Variants in EYA1 observed in about 807,000 individuals in gnomAD.
The protein encoded by EYA1 is protein phosphatase EYA1.
EYA1 carries 16 observed loss-of-function variants against 82.0 expected under a neutral mutation model. That is an observed-to-expected ratio of 0.20 (90% CI 0.13 to 0.30). The LOEUF is 0.30. EYA1 is among the 10% of genes least tolerant of loss of function. The pLI, the probability that EYA1 is intolerant of heterozygous loss-of-function variation, is 1.00. For missense variants in EYA1, 633 were observed against 730.7 expected (o/e 0.87, Z 1.54); for synonymous variants, 261 against 264.4 (o/e 0.99, Z 0.12).
intron 2 of EYA1, chr8:71,531,041 ACAT>A (rs1436236908): frequency 2.6e-5 from 4 of 152,232 alleles, no homozygotes; most frequent in Non-Finnish European, 5.9e-5. Flanking sequence ...TGAGCTGACA[ACAT>A]CATGATCAAA....
chr8:71,543,759 T>C (rs1815337216), intron 1 of EYA1, among the ~76,000 whole-genome samples: 1 of 152,134 alleles, frequency 6.6e-6, no homozygotes, highest in South Asian at 2.1e-4. Context: ...CTTTAAGAGA[T>C]GAGGATTAGG....
intron 11 of EYA1, among the ~76,000 whole-genome samples, chr8:71,260,550 T>G (rs1814972546): frequency 2.0e-5 from 3 of 152,200 alleles, no homozygotes; most frequent in African/African-American, 7.2e-5. Context: ...ATATTATCTT[T>G]AAAAAAGTGC....
chr8:71,250,513 T>C (rs1813627051), intron 11 of EYA1, among the ~76,000 whole-genome samples: 1 of 152,250 alleles, frequency 6.6e-6, no homozygotes. Context: ...GTTTAATCCC[T>C]GTATCTTCCT....
At chr8:71,227,327 T>C (rs1037229003) in intron 12 of EYA1, among the ~76,000 whole-genome samples, 3 of 152,212 alleles carry the variant, frequency 2.0e-5, no homozygotes, top group Non-Finnish European at 2.9e-5. Flanking sequence ...TAACTCCTGT[T>C]TCCTTTCTTT....
chr8:71,296,735 T>G (rs1819640827), intron 9 of EYA1, among the ~76,000 whole-genome samples: 1 of 152,100 alleles, frequency 6.6e-6, no homozygotes, highest in Admixed American at 6.5e-5. Flanking sequence ...AATAAGTCAT[T>G]TCTAAATATT....
Position 71,216,835 on chromosome 8 carries a change from G to C in EYA1, c.1217C>G (p.Thr406Arg), listed in dbSNP as rs376251253. The change falls in exon 14 of 18, where the codon ACA becomes AGA. Residue 406 changes from threonine (T) to arginine (R), a missense_variant. Physicochemically the swap from Thr to Arg is moderately conservative, Grantham distance 71 (BLOSUM62 -1). Coordinates refer to ENST00000340726, the MANE Select transcript of EYA1 (RefSeq NM_000503.6). ...GQDLSTYNFG[T>R]DGFPAAATSA... is the part of the protein sequence containing the mutation. ...GGTTGCTGCAGCAGGAAAGCCATCT[G>C]TTCCAAAGTTATATGTGCTATTTAT... 6.2e-7 allele frequency: 1 copy of C among 1,614,120 alleles called. No homozygotes were observed. Among genetic ancestry groups the C allele is most frequent in the African/African-American group, 1.3e-5 (1 of 75,026 alleles).
At chr8:71,538,954 T>C (rs12680766) in intron 1 of EYA1, among the ~76,000 whole-genome samples, 3 of 151,890 alleles carry the variant, frequency 2.0e-5, no homozygotes, top group African/African-American at 7.2e-5. Flanking sequence ...GCATCTACCC[T>C]AAATGGCCAA....
chr8:71,361,262 C>G (rs1827348627), intron 1 of EYA1, among the ~76,000 whole-genome samples: 1 of 152,036 alleles, frequency 6.6e-6, no homozygotes, highest in Non-Finnish European at 1.5e-5. Context: ...ATATATGTAC[C>G]GCTTTATTCA....
intron 2 of EYA1, among the ~76,000 whole-genome samples, chr8:71,433,609 T>C (rs1425470337): frequency 6.6e-6 from 1 of 152,114 alleles, no homozygotes; most frequent in Non-Finnish European, 1.5e-5. Flanking sequence ...TAACAATCCA[T>C]GGGGATTTCA....
intron 10 of EYA1, among the ~76,000 whole-genome samples, chr8:71,271,212 A>G (rs1816490674): frequency 6.6e-6 from 1 of 152,256 alleles, no homozygotes; most frequent in Non-Finnish European, 1.5e-5. Flanking sequence ...TGATATAGGC[A>G]TGCAATGCGA....
At chr8:71,381,840 T>C (rs1446113567) in intron 2 of EYA1, among the ~76,000 whole-genome samples, 1 of 152,178 alleles carries the variant, frequency 6.6e-6, no homozygotes, top group Non-Finnish European at 1.5e-5. Flanking sequence ...CTTCAGTGTA[T>C]CATTTGGGGA....
intron 7 of EYA1, among the ~76,000 whole-genome samples, chr8:71,308,167 G>GA (rs2129011916): frequency 6.6e-6 from 1 of 152,222 alleles, no homozygotes; most frequent in East Asian, 1.9e-4. Context: ...TAGATTTTCT[G>GA]AATCGGTAAT....
intron 9 of EYA1, among the ~76,000 whole-genome samples, chr8:71,295,417 A>G (rs1819491820): frequency 6.6e-6 from 1 of 152,206 alleles, no homozygotes; most frequent in Non-Finnish European, 1.5e-5. Flanking sequence ...TGGGCAAAAT[A>G]TCTCTACAGA....
At chr8:71,417,284 A>G (rs1413029133) in intron 2 of EYA1, among the ~76,000 whole-genome samples, 1 of 151,994 alleles carries the variant, frequency 6.6e-6, no homozygotes, top group Non-Finnish European at 1.5e-5. Flanking sequence ...GACAAATACA[A>G]CCCCTAATTT....
chr8:71,238,099 A>G (rs1812062887), intron 12 of EYA1, among the ~76,000 whole-genome samples: 1 of 152,106 alleles, frequency 6.6e-6, no homozygotes, highest in South Asian at 2.1e-4. Context: ...CTTTTCATTT[A>G]CCTATATATT....
At chr8:71,270,983 T>C (rs1049583952) in intron 10 of EYA1, among the ~76,000 whole-genome samples, 1 of 151,970 alleles carries the variant, frequency 6.6e-6, no homozygotes, top group Non-Finnish European at 1.5e-5. Context: ...CCGGGCTTGG[T>C]GCCTGTAGTC....
chr8:71,214,497 C>T (rs550973612), intron 16 of EYA1, among the ~76,000 whole-genome samples: 9 of 152,284 alleles, frequency 5.9e-5, no homozygotes, highest in African/African-American at 2.2e-4. Flanking sequence ...TCCTGGGTGG[C>T]AGTAAATGCT....
At chr8:71,463,954 A>C (rs969874241) in intron 2 of EYA1, among the ~76,000 whole-genome samples, 9 of 152,122 alleles carry the variant, frequency 5.9e-5, no homozygotes, top group Non-Finnish European at 1.0e-4. Flanking sequence ...AAGCTAAAGG[A>C]GAGTAAGGAC....
intron 12 of EYA1, among the ~76,000 whole-genome samples, chr8:71,243,486 T>C (rs1812729501): frequency 6.6e-6 from 1 of 152,174 alleles, no homozygotes; most frequent in Non-Finnish European, 1.5e-5. Flanking sequence ...AAATTTTGTA[T>C]TTTACCCTTA....
Sources: allele counts gnomAD v4.1 joint callset (sites outside exome capture counted in the v4.1 genomes callset), GRCh38; gene constraint gnomAD v4.1.1; transcripts MANE v1.5; gene names NCBI Gene and HGNC (gene_info 2026-07-23, HGNC 2026-07-21).